The following PTPA variants were observed in gnomAD, a reference collection of about 807,000 sequenced individuals.
PTPA encodes protein phosphatase 2 phosphatase activator.
A neutral mutation model predicts 43.6 loss-of-function variants in PTPA; 13 were observed. The observed-to-expected ratio is 0.30, with a 90% CI of 0.19 to 0.47. The LOEUF is 0.47. Ranked by LOEUF, PTPA falls within the 20% of genes least tolerant of loss-of-function variation. PTPA has a pLI of 0.99. For missense variants in PTPA, 329 were observed against 411.9 expected (o/e 0.80, Z 1.74); for synonymous variants, 172 against 158.2 (o/e 1.09, Z -0.66).
intron 3 of PTPA, among the ~76,000 whole-genome samples, chr9:129,125,363 T>C (rs1166461827): frequency 6.6e-6 from 1 of 152,026 alleles, no homozygotes; most frequent in African/African-American, 2.4e-5. Context: ...GCGATTCTCC[T>C]GCCTCAGCCT....
chr9:129,139,402 G>C (rs1850605501), intron 8 of PTPA: 1 of 152,282 alleles, frequency 6.6e-6, no homozygotes, highest in Non-Finnish European at 1.5e-5. Context: ...GGAGGGGAGG[G>C]CGTGCCTAGA....
intron 6 of PTPA, 38 bp from the exon 7 acceptor site, chr9:129,136,433 C>G: frequency 1.3e-6 from 2 of 1,582,088 alleles, no homozygotes; most frequent in Non-Finnish European, 1.7e-6. Flanking sequence ...TGTCTTTTTA[C>G]TTTTTGCTAC....
Position 129,111,521 on chromosome 9 carries a change from C to T in PTPA, c.-80C>T, listed in dbSNP as rs1588473129. ...GGAAGCTCGGAGCCTTTGGTGGAGC[C>T]GGGGAGAGGAAGGGTGGGTGCAAGA... On this transcript the variant is annotated 5_prime_UTR_variant, in exon 1 of 10. Coordinates refer to ENST00000393370, the MANE Select transcript of PTPA (RefSeq NM_178000.3). The T allele has an allele frequency of 7.8e-7, 1 of 1,275,334 alleles. No homozygotes were observed. Among genetic ancestry groups the T allele is most frequent in the South Asian group, 3.1e-5 (1 of 32,734 alleles). The allele number at this position is 1,275,334 out of a possible 1,614,324, so 79.0% of individuals were successfully genotyped here. A position where few individuals can be genotyped will look rare whatever the true frequency, so the allele number is the denominator to read the frequency against.
upstream of PTPA, chr9:129,111,166 G>A (rs1848441221): frequency 8.5e-7 from 1 of 1,178,996 alleles, no homozygotes; most frequent in Non-Finnish European, 1.1e-6. Context: ...CACCCACAAA[G>A]ATGACAGGTG....
chr9:129,146,631 A>G (rs925980910), intron 9 of PTPA, among the ~76,000 whole-genome samples: 1 of 152,210 alleles, frequency 6.6e-6, no homozygotes. Context: ...TGTGAGAGCT[A>G]GTGTCCAGGT....
chr9:129,113,056 T>TAA (rs142664760), intron 1 of PTPA, among the ~76,000 whole-genome samples: 2 of 109,838 alleles, frequency 1.8e-5, no homozygotes, highest in African/African-American at 5.5e-5. Context: ...GCTGATGAGC[T>TAA]AAAAAAAAAG....
intron 5 of PTPA, among the ~76,000 whole-genome samples, chr9:129,133,644 G>A (rs950716792): frequency 2.0e-5 from 3 of 152,208 alleles, no homozygotes; most frequent in African/African-American, 7.2e-5. Context: ...GACTGGGAAA[G>A]GAAGGAGGAT....
intron 9 of PTPA, chr9:129,142,877 C>T (rs1038172086): frequency 4.0e-6 from 6 of 1,509,462 alleles, no homozygotes; most frequent in Non-Finnish European, 5.3e-6. Flanking sequence ...TGGCCAAAGG[C>T]TCCTCAAAGC....
At chr9:129,137,764 C>A in intron 8 of PTPA, 72 bp downstream of exon 8, 3 of 1,363,436 alleles carry the variant, frequency 2.2e-6, no homozygotes, top group Non-Finnish European at 3.1e-6. Context: ...GGTGGCCTTA[C>A]AGTGGATCAG....
rs558584467 is a variant in PTPA, at chr9:129,123,428, C to T, written c.216+290C>T. On this transcript the variant is annotated intron_variant, in intron 3 of 9. Coordinates refer to ENST00000393370, the MANE Select transcript of PTPA (RefSeq NM_178000.3). The stretch of plus-strand genomic sequence containing the variant: ...CAGAGCTTGCAGTGAGCTGAGATCG[C>T]GCCACTGCACTCCAGCCTGGGCGAC... 4.0e-5 allele frequency among the ~76,000 whole-genome samples: 6 copies of T among 151,124 alleles called. No homozygotes were observed. In the East Asian group the frequency reaches 9.9e-4, roughly 25 times the overall value.
rs780057638 is a variant in PTPA at position 129,134,779 on chromosome 9, T to G, written c.461-16T>G. ...TACCTGGACTACTGTCAACGCTGGT[T>G]GTTTTTCTCCTCCAGGGCATGAGGC... On this transcript the variant is annotated splice_polypyrimidine_tract_variant and intron_variant, in intron 5 of 9. Coordinates refer to ENST00000393370, the MANE Select transcript of PTPA (RefSeq NM_178000.3). The G allele has an allele frequency of 7.5e-6, 12 of 1,601,254 alleles. No homozygotes were observed. The South Asian group carries it at 1.2e-4, about 16-fold the overall frequency.
intron 1 of PTPA, among the ~76,000 whole-genome samples, chr9:129,116,470 T>C (rs1848882064): frequency 6.8e-6 from 1 of 147,264 alleles, no homozygotes; most frequent in Admixed American, 6.9e-5. Flanking sequence ...CACTGCAAGC[T>C]CCGAGTTCCA....
At chr9:129,114,229 G>A (rs1197162114) in intron 1 of PTPA, among the ~76,000 whole-genome samples, 1 of 152,090 alleles carries the variant, frequency 6.6e-6, no homozygotes, top group Non-Finnish European at 1.5e-5. Flanking sequence ...CGCCGTGTGG[G>A]CCAGGCTGGT....
chr9:129,137,868 T>G (rs1345290279), intron 8 of PTPA, 176 bp downstream of exon 8: 1 of 667,534 alleles, frequency 1.5e-6, no homozygotes, highest in East Asian at 2.8e-5. Flanking sequence ...GAGCCGCTGC[T>G]GACTGTCAGG....
chr9:129,143,708 C>G lies in PTPA; in HGVS notation c.894+1156C>G, dbSNP rs567579378. 1.5e-5 allele frequency: 6 copies of G among 413,270 alleles called. No individual in the cohort carries two copies. The South Asian group carries it at 1.8e-4, about 12-fold the overall frequency. 25.6% of individuals were successfully genotyped at this position (413,270 alleles called of 1,614,324 possible). On this transcript the variant is annotated intron_variant, in intron 9 of 9. Coordinates refer to ENST00000393370, the MANE Select transcript of PTPA (RefSeq NM_178000.3). ...GGACCTCACATCCTGTGTTTAGGTTCCAGCCCACATACCTCTCTAATCTGA... is the reference window on the plus strand; with the variant it reads ...GGACCTCACATCCTGTGTTTAGGTTGCAGCCCACATACCTCTCTAATCTGA...
Position 129,137,002 on chromosome 9 carries a change from G to T in PTPA, c.685+407G>T, listed in dbSNP as rs10465116. ...TTATTATCGAGCTGTGTGCAAAGGG[G>T]CCCGTTAGGGAGCAGCCGCCAAGTG... On this transcript the variant is annotated intron_variant, in intron 7 of 9. Transcript: ENST00000393370. Among the ~76,000 whole-genome samples the T allele has an allele frequency of 3.7e-4, 56 of 152,346 alleles. No homozygotes were observed. In the East Asian group the frequency reaches 6.6e-3, roughly 18 times the overall value.
At chr9:129,136,010 C>T (rs1042191899) in intron 6 of PTPA, among the ~76,000 whole-genome samples, 1 of 152,150 alleles carries the variant, frequency 6.6e-6, no homozygotes, top group East Asian at 1.9e-4. Flanking sequence ...CTCTGTCGCC[C>T]AGGCTGGAGT....
At position 129,148,101 on chromosome 9, in the gene PTPA, T is replaced by C; in HGVS notation, c.*637T>C. Reference sequence around the variant, plus strand: ...GCCTGAGGCCCCCTGTGTCCAAGCCTCCCCCTGGCTCTTCAGTTCTCTAGC... The same window carrying C: ...GCCTGAGGCCCCCTGTGTCCAAGCCCCCCCCTGGCTCTTCAGTTCTCTAGC... On this transcript the variant is annotated 3_prime_UTR_variant, in exon 10 of 10. Coordinates refer to ENST00000393370, the MANE Select transcript of PTPA (RefSeq NM_178000.3). 1 of 153,720 alleles carries C rather than the reference T, an allele frequency of 6.5e-6. No homozygotes were observed. Among genetic ancestry groups the C allele is most frequent in the Non-Finnish European group, 1.4e-5 (1 of 69,260 alleles). 9.5% of individuals were successfully genotyped at this position (153,720 alleles called of 1,614,324 possible).
At chr9:129,112,020 C>G in intron 1 of PTPA, 1 of 211,118 alleles carries the variant, frequency 4.7e-6, no homozygotes, top group Non-Finnish European at 9.3e-6. Context: ...AGGCTGCCGT[C>G]TTTATTAGTC....
Sources: allele counts gnomAD v4.1 joint callset (sites outside exome capture counted in the v4.1 genomes callset), GRCh38; gene constraint gnomAD v4.1.1; transcripts MANE v1.5; gene names NCBI Gene and HGNC (gene_info 2026-07-23, HGNC 2026-07-21).